Variants in WWOX observed in about 807,000 individuals in gnomAD.
WWOX encodes the protein WW domain containing oxidoreductase.
In WWOX, 69 loss-of-function variants were observed where a neutral mutation model predicts 46.2. The observed-to-expected ratio is 1.49, with a 90% CI of 1.23 to 1.82. The LOEUF (loss-of-function observed/expected upper bound fraction) is 1.82. WWOX is among the 40% of genes most tolerant of loss of function. The probability of loss-of-function intolerance (pLI) is 0.00; values close to 1 mark genes in which losing one functional copy is unlikely to be tolerated. For missense variants in WWOX, 919 were observed against 542.6 expected (o/e 1.69, Z -6.89); for synonymous variants, 359 against 202.6 (o/e 1.77, Z -6.56).
chr16:78,484,900 A>T (rs1240866246), intron 8 of WWOX, among the ~76,000 whole-genome samples: 2 of 152,056 alleles, frequency 1.3e-5, no homozygotes, highest in African/African-American at 4.8e-5. Flanking sequence ...GGCTGGGAGG[A>T]GGTCTTTCCA....
At chr16:78,767,921 C>G (rs960431764) in intron 8 of WWOX, among the ~76,000 whole-genome samples, 1 of 152,006 alleles carries the variant, frequency 6.6e-6, no homozygotes, top group African/African-American at 2.4e-5. Flanking sequence ...TTTCTTTTGG[C>G]TAATGATAAC....
chr16:78,268,489 C>G (rs1036342191), intron 5 of WWOX, among the ~76,000 whole-genome samples: 5 of 152,140 alleles, frequency 3.3e-5, no homozygotes, highest in East Asian at 1.9e-4. Flanking sequence ...GTAGCTCTTA[C>G]AATTATTTTA....
At chr16:78,236,330 G>C (rs1266931793) in intron 5 of WWOX, among the ~76,000 whole-genome samples, 1 of 152,228 alleles carries the variant, frequency 6.6e-6, no homozygotes, top group Non-Finnish European at 1.5e-5. Context: ...ACTTACAAAG[G>C]ATGGTGGGAG....
At position 78,512,240 on chromosome 16, in the gene WWOX, A is replaced by T. The variant is rs545644897; in HGVS notation, c.1056+79488A>T. Among the ~76,000 whole-genome samples the T allele has an allele frequency of 1.4e-4, 21 of 152,340 alleles. No individual in the cohort carries two copies. The South Asian group carries it at 4.3e-3, about 32-fold the overall frequency. On this transcript the variant is annotated intron_variant, in intron 8 of 8. Coordinates refer to ENST00000566780, the MANE Select transcript of WWOX (RefSeq NM_016373.4). ...GGAGAAGAAACTCCCGATATTTAAT[A>T]TTATCAATTGCTGGTTCCTGTAAAT... is the stretch of plus-strand genomic sequence containing the variant.
intron 8 of WWOX, among the ~76,000 whole-genome samples, chr16:78,946,157 C>T (rs918166752): frequency 3.9e-5 from 6 of 152,130 alleles, no homozygotes; most frequent in African/African-American, 1.4e-4. Flanking sequence ...TGCCGAGACA[C>T]CTCTGCCTAT....
chr16:79,170,298 G>A (rs2050675342), intron 8 of WWOX, among the ~76,000 whole-genome samples: 1 of 152,154 alleles, frequency 6.6e-6, no homozygotes, highest in African/African-American at 2.4e-5. Flanking sequence ...TGAGGAAATA[G>A]AGGATCAGAG....
At chr16:78,470,281 C>G (rs2084189519) in intron 8 of WWOX, among the ~76,000 whole-genome samples, 1 of 152,174 alleles carries the variant, frequency 6.6e-6, no homozygotes, top group African/African-American at 2.4e-5. Context: ...CTCCAGGAGG[C>G]TAGGAAACAG....
At chr16:78,402,781 C>G (rs1358007073) in intron 6 of WWOX, among the ~76,000 whole-genome samples, 1 of 152,202 alleles carries the variant, frequency 6.6e-6, no homozygotes, top group Non-Finnish European at 1.5e-5. Context: ...GCTTATTTGA[C>G]TTCTCCTGAC....
chr16:78,387,058 A>G (rs2082075828), intron 6 of WWOX, 110 bp downstream of exon 6: 2 of 1,105,630 alleles, frequency 1.8e-6, no homozygotes, highest in Non-Finnish European at 2.7e-6. Context: ...CTTGGCGTCC[A>G]AACAGGAGGC....
chr16:78,758,635 C>T (rs1478186404), intron 8 of WWOX, among the ~76,000 whole-genome samples: 1 of 152,190 alleles, frequency 6.6e-6, no homozygotes, highest in Non-Finnish European at 1.5e-5. Flanking sequence ...TCCCGTTCTA[C>T]AGCATGGAGG....
At chr16:79,065,122 G>C (rs547231459) in intron 8 of WWOX, among the ~76,000 whole-genome samples, 1 of 152,088 alleles carries the variant, frequency 6.6e-6, no homozygotes, top group Non-Finnish European at 1.5e-5. Flanking sequence ...GTTTCTCTTC[G>C]CTATGGGGAA....
chr16:79,157,599 A>G (rs529193896), intron 8 of WWOX, among the ~76,000 whole-genome samples: 19 of 152,278 alleles, frequency 1.2e-4, no homozygotes, highest in Admixed American at 1.0e-3. Flanking sequence ...GGCTATCTGG[A>G]GATGTTTTAA....
At chr16:78,155,829 A>C (rs545497029) in intron 4 of WWOX, among the ~76,000 whole-genome samples, 49 of 152,332 alleles carry the variant, frequency 3.2e-4, no homozygotes, top group Non-Finnish European at 4.3e-4. Context: ...CAGTATTACA[A>C]GAGTGAGGGA....
At chr16:79,029,315 A>T (rs1169442998) in intron 8 of WWOX, among the ~76,000 whole-genome samples, 1 of 152,182 alleles carries the variant, frequency 6.6e-6, no homozygotes, top group Non-Finnish European at 1.5e-5. Flanking sequence ...TGGGGAAGAG[A>T]CGCACATCAG....
rs769923593 is a variant in WWOX at position 78,383,022 on chromosome 16, G to C, written c.517-3838G>C. Among the ~76,000 whole-genome samples the C allele has an allele frequency of 2.5e-3, 381 of 151,072 alleles. 1 individual carries two copies. Among genetic ancestry groups the C allele is most frequent in the Non-Finnish European group, 4.6e-3 (314 of 67,880 alleles). ...TAGCAGGAGCAGGAGGACGAATAGG[G>C]GGAGGTGATATGCTCTTGTAAACAA... On this transcript the variant is annotated intron_variant, in intron 5 of 8. Transcript: ENST00000566780.
chr16:78,510,378 G>A (rs2085333285), intron 8 of WWOX, among the ~76,000 whole-genome samples: 1 of 152,000 alleles, frequency 6.6e-6, no homozygotes, highest in Non-Finnish European at 1.5e-5. Flanking sequence ...GCTAATTTTT[G>A]TATTTTTAGT....
intron 8 of WWOX, among the ~76,000 whole-genome samples, chr16:78,736,387 A>G (rs1380223763): frequency 1.3e-5 from 2 of 152,134 alleles, no homozygotes; most frequent in East Asian, 1.9e-4. Flanking sequence ...AAGCTAGGAA[A>G]TGGCACAGCA....
intron 8 of WWOX, among the ~76,000 whole-genome samples, chr16:79,184,060 TG>T: frequency 6.6e-6 from 1 of 152,316 alleles, no homozygotes; most frequent in East Asian, 1.9e-4. Flanking sequence ...GAGGCAAGCA[TG>T]AACATTGTCA....
chr16:79,080,201 C>T (rs2048733772), intron 8 of WWOX, among the ~76,000 whole-genome samples: 1 of 152,144 alleles, frequency 6.6e-6, no homozygotes, highest in African/African-American at 2.4e-5. Flanking sequence ...TGGAATCCCA[C>T]AGTGACACAG....
Sources: allele counts gnomAD v4.1 joint callset (sites outside exome capture counted in the v4.1 genomes callset), GRCh38; gene constraint gnomAD v4.1.1; transcripts MANE v1.5; gene names NCBI Gene and HGNC (gene_info 2026-07-23, HGNC 2026-07-21).